Variants in DISC1 observed in about 807,000 individuals in gnomAD.
DISC1 encodes the protein DISC1 scaffold protein.
In DISC1, 57 loss-of-function variants were observed where a neutral mutation model predicts 84.5. That is an observed-to-expected ratio of 0.67 (90% confidence interval 0.55 to 0.84). DISC1 has a LOEUF of 0.84. DISC1 is among the 40% of genes least tolerant of loss of function. DISC1 has a pLI of 0.00. For synonymous variants in DISC1, 411 were observed against 415.2 expected, an observed-to-expected ratio of 0.99 and a Z score of 0.12; for missense variants, 1,000 against 1,057.8, an observed-to-expected ratio of 0.95 and a Z score of 0.76.
chr1:231,987,906 G>A (rs924134407), intron 10 of DISC1, among the ~76,000 whole-genome samples: 1 of 152,118 alleles, frequency 6.6e-6, no homozygotes, highest in Non-Finnish European at 1.5e-5. Flanking sequence ...ACCTCAACTT[G>A]GGCCTGGTAT....
At position 231,995,409 on chromosome 1, in the gene DISC1, A is replaced by G. The variant is rs558550700; in HGVS notation, c.2043-13376A>G. Among the ~76,000 whole-genome samples, 17 of 152,110 alleles carry G rather than the reference A, an allele frequency of 1.1e-4. No individual in the cohort carries two copies. The South Asian group carries it at 3.3e-3, about 30-fold the overall frequency. ...CAATGTGCAGGTTAGTTACATATGT[A>G]TACATGTGCCATGCTGGTGTGCTGC... is the stretch of plus-strand genomic sequence containing the variant. On this transcript the variant is annotated intron_variant, in intron 10 of 12. Coordinates refer to ENST00000439617, the MANE Select transcript of DISC1 (RefSeq NM_018662.3).
chr1:231,673,916 T>A (rs1397144752), intron 1 of DISC1, among the ~76,000 whole-genome samples: 1 of 152,208 alleles, frequency 6.6e-6, no homozygotes, highest in Non-Finnish European at 1.5e-5. Flanking sequence ...AGTTTAGTCC[T>A]ATGCTCTAAG....
intron 9 of DISC1, among the ~76,000 whole-genome samples, chr1:231,888,528 A>G (rs767897393): frequency 2.0e-5 from 3 of 151,198 alleles, no homozygotes; most frequent in Non-Finnish European, 4.4e-5. Flanking sequence ...GTGGATCATG[A>G]GGTCAGGAGC....
intron 4 of DISC1, among the ~76,000 whole-genome samples, chr1:231,752,097 G>A (rs898722041): frequency 3.3e-5 from 5 of 152,164 alleles, no homozygotes; most frequent in African/African-American, 1.2e-4. Flanking sequence ...TCAGTGCACT[G>A]TGCTGCCTTT....
At chr1:232,006,172 T>C (rs1667413554) in intron 10 of DISC1, among the ~76,000 whole-genome samples, 1 of 152,190 alleles carries the variant, frequency 6.6e-6, no homozygotes, top group Admixed American at 6.5e-5. Flanking sequence ...GCATGCTATA[T>C]ATTTGAGTTC....
intron 10 of DISC1, among the ~76,000 whole-genome samples, chr1:231,991,168 A>C (rs1280099749): frequency 6.6e-6 from 1 of 152,240 alleles, no homozygotes; most frequent in Non-Finnish European, 1.5e-5. Flanking sequence ...TCTTTGACCT[A>C]CACATTTGTC....
At chr1:231,727,591 A>G (rs554407599) in intron 3 of DISC1, among the ~76,000 whole-genome samples, 68 of 152,346 alleles carry the variant, frequency 4.5e-4, no homozygotes, top group African/African-American at 1.4e-3. Context: ...CTTGAGTAGA[A>G]TTAAATCTGA....
chr1:231,662,557 G>T (rs1410266927), intron 1 of DISC1, among the ~76,000 whole-genome samples: 3 of 152,186 alleles, frequency 2.0e-5, no homozygotes, highest in African/African-American at 7.2e-5. Flanking sequence ...GCTGCATTGT[G>T]GGGGGCCCTT....
intron 1 of DISC1, among the ~76,000 whole-genome samples, chr1:231,668,989 C>T (rs1369258286): frequency 2.0e-5 from 3 of 152,096 alleles, no homozygotes; most frequent in Non-Finnish European, 4.4e-5. Context: ...TCACATGTTC[C>T]TTATTTGATG....
At chr1:232,000,879 A>G (rs764119085) in intron 10 of DISC1, among the ~76,000 whole-genome samples, 3 of 152,230 alleles carry the variant, frequency 2.0e-5, no homozygotes, top group Non-Finnish European at 4.4e-5. Flanking sequence ...ATATATTCCC[A>G]GATGAAGAAA....
Position 231,687,769 on chromosome 1 carries a change from G to C in DISC1, c.68-6057G>C, listed in dbSNP as rs1324967193. Among the ~76,000 whole-genome samples the C allele has an allele frequency of 2.0e-5, 3 of 152,246 alleles. No homozygotes were observed. The East Asian group carries it at 5.8e-4, about 29-fold the overall frequency. On this transcript the variant is annotated intron_variant, in intron 1 of 12. Coordinates refer to ENST00000439617, the MANE Select transcript of DISC1 (RefSeq NM_018662.3). Reference sequence around the variant, plus strand: ...TAAAAATAGAATGGTGGTTACCAGGGACTGGGGCAGGGGGAAATGGGGAGT... The same window carrying C: ...TAAAAATAGAATGGTGGTTACCAGGCACTGGGGCAGGGGGAAATGGGGAGT...
rs941128035 is a variant in DISC1 at position 231,999,691 on chromosome 1, C to T, written c.2043-9094C>T. On this transcript the variant is annotated intron_variant, in intron 10 of 12. Transcript: ENST00000439617. ...GTCCTCCAGAGTCTGAGACTTTACA[C>T]CCGCACCAAGAGACATTCAGTTACC... Among the ~76,000 whole-genome samples, 6 of 152,286 alleles carry T rather than the reference C, an allele frequency of 3.9e-5. No homozygotes were observed. In the South Asian group the frequency reaches 6.2e-4, roughly 16 times the overall value.
intron 11 of DISC1, among the ~76,000 whole-genome samples, chr1:232,024,347 T>C (rs947836376): frequency 6.6e-6 from 1 of 152,186 alleles, no homozygotes; most frequent in Non-Finnish European, 1.5e-5. Flanking sequence ...CACTATTTTA[T>C]TCTAAGGTAG....
At chr1:231,777,827 T>C (rs2077067478) in intron 6 of DISC1, among the ~76,000 whole-genome samples, 1 of 152,184 alleles carries the variant, frequency 6.6e-6, no homozygotes, top group Non-Finnish European at 1.5e-5. Flanking sequence ...CCCTATAAGG[T>C]TTGTTGGGCA....
chr1:231,905,747 G>A (rs147397136), intron 9 of DISC1, among the ~76,000 whole-genome samples: 14 of 152,150 alleles, frequency 9.2e-5, no homozygotes, highest in East Asian at 3.9e-4. Flanking sequence ...GTTATAAAAG[G>A]CATTATCAGG....
intron 7 of DISC1, among the ~76,000 whole-genome samples, chr1:231,798,928 A>G (rs959243185): frequency 6.6e-6 from 1 of 152,158 alleles, no homozygotes. Flanking sequence ...ATAAGAAAAC[A>G]TTTAAAGTTG....
intron 3 of DISC1, among the ~76,000 whole-genome samples, chr1:231,744,993 T>A (rs1479453529): frequency 6.6e-6 from 1 of 151,880 alleles, no homozygotes; most frequent in Non-Finnish European, 1.5e-5. Context: ...TTATAACTTG[T>A]ATAACATTTT....
intron 3 of DISC1, among the ~76,000 whole-genome samples, chr1:231,734,640 G>A (rs1420459394): frequency 6.6e-6 from 1 of 152,102 alleles, no homozygotes; most frequent in African/African-American, 2.4e-5. Context: ...GCAAATTCTT[G>A]CTGGGGAAGA....
intron 9 of DISC1, among the ~76,000 whole-genome samples, chr1:231,836,796 G>A (rs2082660797): frequency 6.6e-6 from 1 of 152,128 alleles, no homozygotes. Context: ...GCGTGCTCTG[G>A]ATAAAGTGCG....
Sources: gnomAD v4.1 joint callset for allele counts (sites outside exome capture counted in the v4.1 genomes callset) on GRCh38, gnomAD v4.1.1 for gene constraint, MANE v1.5 for transcripts, NCBI Gene and HGNC (gene_info 2026-07-23, HGNC 2026-07-21) for gene names.